The following MTPN variants were observed in gnomAD, a reference collection of about 807,000 sequenced individuals.
The protein encoded by MTPN is granule cell differentiation protein.
Under a neutral mutation model 13.5 loss-of-function variants are expected in MTPN, and 2 were observed. The ratio of observed to expected loss-of-function variants is 0.15; its 90% CI spans 0.06 to 0.47. The LOEUF (loss-of-function observed/expected upper bound fraction) is 0.47. Ranked by LOEUF, MTPN falls within the 20% of genes least tolerant of loss-of-function variation. The probability of loss-of-function intolerance (pLI) is 0.97; values close to 1 mark genes in which losing one functional copy is unlikely to be tolerated. For synonymous variants in MTPN, 46 were observed against 51.7 expected (o/e 0.89, Z 0.48); for missense variants, 79 against 137.9 (o/e 0.57, Z 2.14).
chr7:135,933,117 A>AAAC (rs1799051626), intron 3 of MTPN, among the ~76,000 whole-genome samples: 1 of 151,092 alleles, frequency 6.6e-6, no homozygotes, highest in Non-Finnish European at 1.5e-5. Context: ...AAAAAAAAAA[A>AAAC]AAAAAGATGA....
chr7:135,938,299 C>T (rs1042486542), intron 3 of MTPN, among the ~76,000 whole-genome samples: 1 of 152,114 alleles, frequency 6.6e-6, no homozygotes, highest in African/African-American at 2.4e-5. Context: ...CATACCCTTC[C>T]CCCTTGGAAT....
chr7:135,946,999 T>C (rs1799297100), intron 3 of MTPN, among the ~76,000 whole-genome samples: 1 of 152,208 alleles, frequency 6.6e-6, no homozygotes, highest in African/African-American at 2.4e-5. Context: ...TTCTTCTTGC[T>C]AGTTTTACCA....
chr7:135,949,005 G>A (rs1799325110), intron 3 of MTPN, among the ~76,000 whole-genome samples: 2 of 152,110 alleles, frequency 1.3e-5, no homozygotes, highest in African/African-American at 4.8e-5. Context: ...TGAAGCCATG[G>A]AAATAAAGCC....
intron 3 of MTPN, among the ~76,000 whole-genome samples, chr7:135,933,117 A>C (rs190355346): frequency 0.039 from 5,885 of 151,162 alleles, 160 homozygotes; most frequent in Non-Finnish European, 0.061. Context: ...AAAAAAAAAA[A>C]AAAAAGATGA....
At chr7:135,941,933 G>A (rs1177178402) in intron 3 of MTPN, among the ~76,000 whole-genome samples, 1 of 150,060 alleles carries the variant, frequency 6.7e-6, no homozygotes, top group Non-Finnish European at 1.5e-5. Flanking sequence ...GCCCAGGCTG[G>A]AGTGCAATGG....
At chr7:135,946,317 T>G (rs1245683333) in intron 3 of MTPN, among the ~76,000 whole-genome samples, 1 of 152,202 alleles carries the variant, frequency 6.6e-6, no homozygotes, top group African/African-American at 2.4e-5. Flanking sequence ...TAAAAAATCT[T>G]TTCAAAAATA....
At chr7:135,954,803 C>T (rs762015935) in intron 1 of MTPN, among the ~76,000 whole-genome samples, 1 of 152,044 alleles carries the variant, frequency 6.6e-6, no homozygotes, top group African/African-American at 2.4e-5. Context: ...ATTAGCTGGG[C>T]GTGGTGGTGG....
At chr7:135,951,885 T>C (rs1799368651) in intron 1 of MTPN, among the ~76,000 whole-genome samples, 1 of 152,154 alleles carries the variant, frequency 6.6e-6, no homozygotes, top group Admixed American at 6.6e-5. Flanking sequence ...ACGAAATACA[T>C]TACTGTCCTC....
intron 3 of MTPN, among the ~76,000 whole-genome samples, chr7:135,933,383 A>G (rs1408775610): frequency 6.6e-6 from 1 of 152,078 alleles, no homozygotes; most frequent in East Asian, 1.9e-4. Flanking sequence ...AATGTAAACG[A>G]TATTTATTTA....
At chr7:135,935,923 A>G (rs532109021) in intron 3 of MTPN, among the ~76,000 whole-genome samples, 5 of 152,152 alleles carry the variant, frequency 3.3e-5, no homozygotes, top group South Asian at 2.1e-4. Context: ...TGAAATTACA[A>G]TTGTGGTACC....
In MTPN at chr7:135,929,655, C is replaced by T. The variant is rs1798983689; in HGVS notation, c.*271G>A. On this transcript the variant is annotated 3_prime_UTR_variant, in exon 4 of 4. Coordinates refer to ENST00000393085, the MANE Select transcript of MTPN (RefSeq NM_145808.4). ...TACTGGTGTATTTTGTCTTTGCTCT[C>T]CCTTGGGTATAAGGTGTATATTTTA... 1.5e-5 allele frequency: 6 copies of T among 407,746 alleles called. No homozygotes were observed. In the South Asian group the frequency reaches 1.9e-4, roughly 13 times the overall value. The allele number at this position is 407,746 out of a possible 1,614,324, so 25.3% of individuals were successfully genotyped here. A position where few individuals can be genotyped will look rare whatever the true frequency, so the allele number is the denominator to read the frequency against.
In MTPN at chr7:135,929,664, A is replaced by G; in HGVS notation, c.*262T>C. ...ATTTTGTCTTTGCTCTCCCTTGGGT[A>G]TAAGGTGTATATTTTATTAGAAAGG... On this transcript the variant is annotated 3_prime_UTR_variant, in exon 4 of 4. Transcript: ENST00000393085. The G allele has an allele frequency of 2.2e-6, 1 of 455,294 alleles. No homozygotes were observed. The allele number at this position is 455,294 out of a possible 1,614,324, so 28.2% of individuals were successfully genotyped here. A position where few individuals can be genotyped will look rare whatever the true frequency, so the allele number is the denominator to read the frequency against.
At chr7:135,969,088 T>TGGGGGGGGGGGG (rs71174565) in intron 1 of MTPN, among the ~76,000 whole-genome samples, 1 of 33,604 alleles carries the variant, frequency 3.0e-5, no homozygotes, top group African/African-American at 1.5e-4. Flanking sequence ...TGTTGTGGGG[T>TGGGGGGGGGGGG]GGGGGGGGGG....
chr7:135,972,718 A>C (rs1799714711), intron 1 of MTPN, among the ~76,000 whole-genome samples: 1 of 152,140 alleles, frequency 6.6e-6, no homozygotes, highest in Non-Finnish European at 1.5e-5. Flanking sequence ...GCAGCACTCT[A>C]TGTGAAGTCA....
intron 1 of MTPN, 99 bp downstream of exon 1, chr7:135,976,930 C>CCCCCCCCCCCCTCCCCCCA: frequency 1.8e-6 from 1 of 566,206 alleles, no homozygotes; most frequent in South Asian, 1.5e-5. Flanking sequence ...TCTCTCCTCC[C>CCCCCCCCCCCCTCCCCCCA]GCCCACCCCC....
In MTPN at chr7:135,950,594, C is replaced by T; in HGVS notation, c.270+5G>A. On this transcript the variant is annotated splice_donor_5th_base_variant and intron_variant, in intron 3 of 3. Coordinates refer to ENST00000393085, the MANE Select transcript of MTPN (RefSeq NM_145808.4). ...AAAAGCAATACTATTAGCAATTGAC[C>T]TCACCTTTGACAGAAGCAATTTCAC... The T allele has an allele frequency of 6.2e-7, 1 of 1,604,766 alleles. No homozygotes were observed. The highest frequency in any genetic ancestry group is 8.5e-7 in the Non-Finnish European group (1 of 1,172,184).
At chr7:135,972,684 C>G (rs984979511) in intron 1 of MTPN, among the ~76,000 whole-genome samples, 2 of 152,126 alleles carry the variant, frequency 1.3e-5, no homozygotes, top group African/African-American at 4.8e-5. Flanking sequence ...TCACAGCAAT[C>G]TGATGAGCAA....
intron 3 of MTPN, among the ~76,000 whole-genome samples, chr7:135,942,895 A>G (rs142813438): frequency 6.6e-6 from 1 of 152,352 alleles, no homozygotes; most frequent in Non-Finnish European, 1.5e-5. Flanking sequence ...GTAGTCTAAA[A>G]GAGCTAAACA....
intron 3 of MTPN, among the ~76,000 whole-genome samples, chr7:135,948,413 A>G (rs538776843): frequency 6.6e-6 from 1 of 152,308 alleles, no homozygotes; most frequent in East Asian, 1.9e-4. Context: ...TATTTGGCTA[A>G]AAAAAGTCAA....
Sources: allele counts gnomAD v4.1 joint callset (sites outside exome capture counted in the v4.1 genomes callset), GRCh38; gene constraint gnomAD v4.1.1; transcripts MANE v1.5; gene names NCBI Gene and HGNC (gene_info 2026-07-23, HGNC 2026-07-21).